The following GLRA3 variants were observed in gnomAD, a reference collection of about 807,000 sequenced individuals.
GLRA3 encodes the protein glycine receptor alpha 3, also known as glycine receptor subunit alpha-3.
GLRA3 carries 44 observed loss-of-function variants against 60.4 expected under a neutral mutation model. That is an observed-to-expected ratio of 0.73 (90% CI 0.57 to 0.94). GLRA3 has a LOEUF of 0.94. Ranked by LOEUF, GLRA3 falls within the 40% of genes least tolerant of loss-of-function variation. The pLI, the probability that GLRA3 is intolerant of heterozygous loss-of-function variation, is 0.00. For synonymous variants in GLRA3, 223 were observed against 192.9 expected (o/e 1.16, Z -1.29); for missense variants, 508 against 564.6 (o/e 0.90, Z 1.02).
At chr4:174,724,638 C>T (rs1358332668) in intron 4 of GLRA3, among the ~76,000 whole-genome samples, 1 of 152,030 alleles carries the variant, frequency 6.6e-6, no homozygotes, top group Non-Finnish European at 1.5e-5. Flanking sequence ...TCTTGATATT[C>T]GTATGCTTCT....
chr4:174,656,338 T>C (rs1198765731), intron 9 of GLRA3, among the ~76,000 whole-genome samples: 1 of 152,150 alleles, frequency 6.6e-6, no homozygotes, highest in East Asian at 1.9e-4. Flanking sequence ...TTGAGGTCTC[T>C]TGTGCAGTTG....
intron 1 of GLRA3, among the ~76,000 whole-genome samples, chr4:174,799,349 A>G (rs951690040): frequency 1.3e-5 from 2 of 152,244 alleles, no homozygotes; most frequent in African/African-American, 4.8e-5. Flanking sequence ...AAAAAGTGCC[A>G]TGGCAGTGCT....
At chr4:174,660,103 G>C (rs1733379594) in intron 7 of GLRA3, among the ~76,000 whole-genome samples, 1 of 151,760 alleles carries the variant, frequency 6.6e-6, no homozygotes, top group Non-Finnish European at 1.5e-5. Flanking sequence ...CTATTTGAGT[G>C]TAATTTGTAG....
intron 1 of GLRA3, among the ~76,000 whole-genome samples, chr4:174,794,052 G>A (rs950274982): frequency 2.0e-5 from 3 of 151,806 alleles, no homozygotes; most frequent in Non-Finnish European, 4.4e-5. Flanking sequence ...ATCATATCTT[G>A]CAAAAGTCTG....
At chr4:174,646,401 T>C (rs1383233242) in intron 9 of GLRA3, among the ~76,000 whole-genome samples, 1 of 152,200 alleles carries the variant, frequency 6.6e-6, no homozygotes, top group Non-Finnish European at 1.5e-5. Context: ...GCTGTTACAG[T>C]AGTGCTGAGA....
rs112750638 is a variant in GLRA3 at position 174,692,177 on chromosome 4, G to A, written c.575-9238C>T. On this transcript the variant is annotated intron_variant, in intron 5 of 9. Coordinates refer to ENST00000274093, the MANE Select transcript of GLRA3 (RefSeq NM_006529.4). ...CCAGCAGCCACCCTGTCTGGGAAGT[G>A]AGGAGCGTCTCCACCCAGCAGCCAC... is the stretch of plus-strand genomic sequence containing the variant. Among the ~76,000 whole-genome samples, 402 of 151,996 alleles carry A rather than the reference G, an allele frequency of 2.6e-3. 3 individuals are homozygous for A. The highest frequency in any genetic ancestry group is 9.4e-3 in the African/African-American group (389 of 41,488).
chr4:174,742,158 G>T (rs994841379), intron 3 of GLRA3, among the ~76,000 whole-genome samples: 1 of 152,070 alleles, frequency 6.6e-6, no homozygotes, highest in Admixed American at 6.5e-5. Flanking sequence ...AATCTTATTT[G>T]TTAGAAAGCT....
chr4:174,690,337 A>G (rs1437034193), intron 5 of GLRA3, among the ~76,000 whole-genome samples: 1 of 152,226 alleles, frequency 6.6e-6, no homozygotes, highest in Non-Finnish European at 1.5e-5. Flanking sequence ...TTATGGCTCA[A>G]TTCTGAGAGA....
intron 5 of GLRA3, among the ~76,000 whole-genome samples, chr4:174,685,927 T>A (rs2110987077): frequency 6.6e-6 from 1 of 152,330 alleles, no homozygotes; most frequent in East Asian, 1.9e-4. Context: ...ATATTCTAAA[T>A]TTTTCTCAAG....
At chr4:174,822,936 T>C (rs116532876) in intron 1 of GLRA3, among the ~76,000 whole-genome samples, 1,797 of 152,310 alleles carry the variant, frequency 0.012, 18 homozygotes, top group South Asian at 0.028. Context: ...CAGAAATACA[T>C]TATGATGGAG....
chr4:174,684,676 A>G (rs573190659), intron 5 of GLRA3, among the ~76,000 whole-genome samples: 1 of 152,320 alleles, frequency 6.6e-6, no homozygotes, highest in African/African-American at 2.4e-5. Flanking sequence ...TAGAGAGAGG[A>G]GGCACGGTGT....
At chr4:174,696,255 A>G (rs957630182) in intron 5 of GLRA3, among the ~76,000 whole-genome samples, 2 of 151,798 alleles carry the variant, frequency 1.3e-5, no homozygotes, top group Non-Finnish European at 2.9e-5. Flanking sequence ...AGAAAATCTA[A>G]TTGTATTTAA....
chr4:174,664,932 C>G (rs1733596987), intron 7 of GLRA3, among the ~76,000 whole-genome samples: 1 of 152,048 alleles, frequency 6.6e-6, no homozygotes, highest in Non-Finnish European at 1.5e-5. Flanking sequence ...GACAGACAAG[C>G]TCTATTATTA....
At chr4:174,678,392 T>A (rs1734209538) in intron 6 of GLRA3, among the ~76,000 whole-genome samples, 1 of 152,190 alleles carries the variant, frequency 6.6e-6, no homozygotes, top group African/African-American at 2.4e-5. Flanking sequence ...TTGTTTTTAT[T>A]TGAGTTATTT....
intron 9 of GLRA3, among the ~76,000 whole-genome samples, chr4:174,647,252 T>C (rs926412196): frequency 1.3e-5 from 2 of 151,716 alleles, no homozygotes; most frequent in Non-Finnish European, 2.9e-5. Flanking sequence ...ACCAAAATTA[T>C]GAAAAATTAG....
At chr4:174,681,492 T>C (rs4530609) in intron 6 of GLRA3, among the ~76,000 whole-genome samples, 64,149 of 151,958 alleles carry the variant, frequency 0.42, 14,098 homozygotes, top group Middle Eastern at 0.54. Flanking sequence ...AATTTGGACA[T>C]GGAAACACAG....
chr4:174,821,879 C>CT (rs1464350280), intron 1 of GLRA3, among the ~76,000 whole-genome samples: 3 of 152,086 alleles, frequency 2.0e-5, no homozygotes, highest in African/African-American at 7.2e-5. Flanking sequence ...ACAATACTTC[C>CT]TTTTTCTCCA....
In GLRA3 at chr4:174,706,894, A is replaced by G. The variant is rs114674682; in HGVS notation, c.574+8594T>C. Among the ~76,000 whole-genome samples, 436 of 152,328 alleles carry G rather than the reference A, an allele frequency of 2.9e-3. 3 individuals carry two copies. The highest frequency in any genetic ancestry group is 9.9e-3 in the African/African-American group (411 of 41,582). ...AATCCATACAATTCCAGAATAGTTA[A>G]GATTATATCTGTGAACAGGTAGAGC... On this transcript the variant is annotated intron_variant, in intron 5 of 9. Coordinates refer to ENST00000274093, the MANE Select transcript of GLRA3 (RefSeq NM_006529.4).
intron 8 of GLRA3, 98 bp downstream of exon 8, chr4:174,658,956 A>T (rs1733317521): frequency 2.1e-6 from 2 of 970,272 alleles, no homozygotes; most frequent in Non-Finnish European, 3.1e-6. Flanking sequence ...TTTCATCCCC[A>T]GTCCCAATTG....
Sources: allele counts gnomAD v4.1 joint callset (sites outside exome capture counted in the v4.1 genomes callset), GRCh38; gene constraint gnomAD v4.1.1; transcripts MANE v1.5; gene names NCBI Gene and HGNC (gene_info 2026-07-23, HGNC 2026-07-21).